EML6: variants seen among roughly 807,000 people sequenced by gnomAD.
The protein encoded by EML6 is echinoderm microtubule-associated protein-like 6.
EML6 carries 154 observed loss-of-function variants against 240.1 expected under a neutral mutation model. That is an observed-to-expected ratio of 0.64 (90% CI 0.56 to 0.73). The LOEUF is 0.73. EML6 is among the 30% of genes least tolerant of loss of function. The pLI is 0.00. For missense variants in EML6, 2,964 were observed against 2,474.6 expected (o/e 1.20, Z -4.20); for synonymous variants, 1,148 against 899.0 (o/e 1.28, Z -4.95).
In EML6 at chr2:54,970,245, C is replaced by A; in HGVS notation, c.*150C>A. The A allele has an allele frequency of 1.3e-6, 1 of 742,154 alleles. No homozygotes were observed. The highest frequency in any genetic ancestry group is 2.3e-6 in the Non-Finnish European group (1 of 431,106). The allele number at this position is 742,154 out of a possible 1,614,324, so 46.0% of individuals were successfully genotyped here. ...AGCTCAAAACGCTGCAGAAGTTACACAACTGCTCCCATAATCTGGACTCTC... is the reference window on the plus strand; with the variant it reads ...AGCTCAAAACGCTGCAGAAGTTACAAAACTGCTCCCATAATCTGGACTCTC... On this transcript the variant is annotated 3_prime_UTR_variant, in exon 42 of 42. Coordinates refer to ENST00000356458, the MANE Select transcript of EML6 (RefSeq NM_001039753.4).
At chr2:54,929,222 G>T (rs1039404363) in intron 28 of EML6, among the ~76,000 whole-genome samples, 3 of 152,126 alleles carry the variant, frequency 2.0e-5, no homozygotes, top group African/African-American at 7.2e-5. Context: ...TTCTCTTACT[G>T]TGTCTTCATT....
intron 2 of EML6, among the ~76,000 whole-genome samples, chr2:54,771,745 T>C (rs1415651896): frequency 6.6e-6 from 1 of 152,248 alleles, no homozygotes; most frequent in Admixed American, 6.5e-5. Flanking sequence ...GTAGTGTCCA[T>C]ACAGTTTCTT....
At chr2:54,965,241 A>G (rs960444707) in intron 38 of EML6, among the ~76,000 whole-genome samples, 2 of 152,246 alleles carry the variant, frequency 1.3e-5, no homozygotes, top group Admixed American at 6.5e-5. Flanking sequence ...CCCTAAAAAC[A>G]GAATGATTTC....
intron 28 of EML6, among the ~76,000 whole-genome samples, chr2:54,931,250 C>T (rs1674847562): frequency 6.6e-6 from 1 of 151,854 alleles, no homozygotes; most frequent in South Asian, 2.1e-4. Context: ...AGCCACCGCG[C>T]CCGGCGACCG....
At chr2:54,757,472 G>C (rs1173573296) in intron 2 of EML6, among the ~76,000 whole-genome samples, 1 of 152,012 alleles carries the variant, frequency 6.6e-6, no homozygotes, top group Non-Finnish European at 1.5e-5. Flanking sequence ...CTTGCCTGGG[G>C]GTGACCGTGG....
intron 25 of EML6, among the ~76,000 whole-genome samples, 200 bp downstream of exon 25, chr2:54,911,242 T>C (rs3816191): frequency 0.53 from 80,634 of 152,002 alleles, 21,602 homozygotes; most frequent in South Asian, 0.65. Flanking sequence ...GGTGTAGCAA[T>C]GTACAGTTGG....
chr2:54,940,545 C>T (rs931270512), intron 28 of EML6, among the ~76,000 whole-genome samples: 5 of 152,170 alleles, frequency 3.3e-5, no homozygotes, highest in Admixed American at 6.5e-5. Context: ...GTGTGTCTAA[C>T]GTGGTACCTT....
intron 3 of EML6, among the ~76,000 whole-genome samples, chr2:54,814,349 C>A (rs1322277543): frequency 2.6e-5 from 4 of 152,188 alleles, no homozygotes; most frequent in Non-Finnish European, 5.9e-5. Context: ...CAATCCCTCC[C>A]AACAACATTT....
intron 19 of EML6, among the ~76,000 whole-genome samples, 160 bp downstream of exon 19, chr2:54,892,816 A>C (rs1162116498): frequency 2.0e-5 from 3 of 152,212 alleles, no homozygotes; most frequent in Non-Finnish European, 4.4e-5. Flanking sequence ...GGAGGAAAGC[A>C]AAGATATTTT....
At chr2:54,783,147 A>G (rs1572891058) in intron 2 of EML6, among the ~76,000 whole-genome samples, 1 of 152,358 alleles carries the variant, frequency 6.6e-6, no homozygotes, top group East Asian at 1.9e-4. Context: ...ATACTGTATT[A>G]CATCCTACAT....
intron 17 of EML6, among the ~76,000 whole-genome samples, chr2:54,886,157 C>CTTTTTTTT (rs1558650389): frequency 1.7e-5 from 2 of 115,236 alleles, no homozygotes; most frequent in Non-Finnish European, 1.8e-5. Context: ...TTTTTTTAAC[C>CTTTTTTTT]TTCTTTTTTT....
rs777847156 is a variant in EML6 at position 54,822,874 on chromosome 2, A to G, written c.525+2412A>G. ...GGAGAACAAAAATTTTAGAGGTTCC[A>G]CTACTCAAAAGTGTAACATATTCCA... On this transcript the variant is annotated intron_variant, in intron 5 of 41. Transcript: ENST00000356458. Among the ~76,000 whole-genome samples the G allele has an allele frequency of 1.9e-4, 29 of 152,202 alleles. 1 individual carries two copies. The highest frequency in any genetic ancestry group is 7.3e-5 in the Non-Finnish European group (5 of 68,030).
At chr2:54,781,876 C>G (rs937480594) in intron 2 of EML6, among the ~76,000 whole-genome samples, 12 of 152,118 alleles carry the variant, frequency 7.9e-5, no homozygotes, top group Admixed American at 5.9e-4. Context: ...GCCATGTTAG[C>G]TGGGCTGGTC....
At chr2:54,846,594 C>G (rs1669768567) in intron 8 of EML6, among the ~76,000 whole-genome samples, 1 of 151,720 alleles carries the variant, frequency 6.6e-6, no homozygotes, top group Admixed American at 6.6e-5. Context: ...AGCTATCCTC[C>G]TACCTCAGCC....
chr2:54,947,256 A>C (rs1675737852), intron 28 of EML6, among the ~76,000 whole-genome samples: 1 of 152,148 alleles, frequency 6.6e-6, no homozygotes. Context: ...TGTCCTGGGA[A>C]GCGATAATTA....
At chr2:54,817,206 AGTT>A (rs1668118602) in intron 4 of EML6, among the ~76,000 whole-genome samples, 2 of 152,342 alleles carry the variant, frequency 1.3e-5, no homozygotes, top group African/African-American at 4.8e-5. Flanking sequence ...AAATGGAAAT[AGTT>A]GTTAGAAAAT....
intron 2 of EML6, among the ~76,000 whole-genome samples, chr2:54,794,167 T>A (rs538613677): frequency 2.6e-5 from 4 of 152,192 alleles, no homozygotes; most frequent in Non-Finnish European, 5.9e-5. Flanking sequence ...TAAGATAGAT[T>A]AGGCAGCTGG....
chr2:54,948,327 T>TGTCC (rs1558716300), intron 28 of EML6, among the ~76,000 whole-genome samples: 1 of 152,054 alleles, frequency 6.6e-6, no homozygotes, highest in East Asian at 1.9e-4. Flanking sequence ...GTCTGTCTCC[T>TGTCC]GTCCCTCTGC....
chr2:54,967,140 A>G (rs1676783764), intron 39 of EML6, 37 bp downstream of exon 39: 1 of 1,368,822 alleles, frequency 7.3e-7, no homozygotes, highest in South Asian at 1.2e-5. Context: ...GGAAAAGGTC[A>G]CAAGGGAGTC....
Sources: gnomAD v4.1 joint callset for allele counts (sites outside exome capture counted in the v4.1 genomes callset) on GRCh38, gnomAD v4.1.1 for gene constraint, MANE v1.5 for transcripts, NCBI Gene and HGNC (gene_info 2026-07-23, HGNC 2026-07-21) for gene names.